KALRN: variants seen among roughly 807,000 people sequenced by gnomAD.
KALRN encodes the protein kalirin RhoGEF kinase.
Under a neutral mutation model 353.7 loss-of-function variants are expected in KALRN, and 70 were observed. The ratio of observed to expected loss-of-function variants is 0.20; its 90% confidence interval spans 0.16 to 0.24. The LOEUF is 0.24. KALRN is among the 10% of genes least tolerant of loss of function. KALRN has a pLI of 1.00. For synonymous variants in KALRN, 1,391 were observed against 1,434.8 expected, an observed-to-expected ratio of 0.97 and a Z score of 0.69; for missense variants, 2,791 against 3,756.7, an observed-to-expected ratio of 0.74 and a Z score of 6.72.
chr3:124,706,051 C>T (rs1453842111), intron 57 of KALRN, among the ~76,000 whole-genome samples: 1 of 152,178 alleles, frequency 6.6e-6, no homozygotes, highest in East Asian at 1.9e-4. Flanking sequence ...GGACTACAGA[C>T]ACACACCATT....
At chr3:124,434,855 C>T (rs776606583) in intron 17 of KALRN, among the ~76,000 whole-genome samples, 76 of 152,282 alleles carry the variant, frequency 5.0e-4, no homozygotes, top group Non-Finnish European at 7.8e-4. Flanking sequence ...CAAAACAATC[C>T]AAAACTCAGT....
intron 33 of KALRN, among the ~76,000 whole-genome samples, chr3:124,512,862 T>C (rs2066097757): frequency 6.6e-6 from 1 of 152,162 alleles, no homozygotes; most frequent in African/African-American, 2.4e-5. Context: ...TTTTGTATTA[T>C]GTCTTACAAC....
chr3:124,279,516 G>C (rs966303492), intron 5 of KALRN, among the ~76,000 whole-genome samples: 1 of 152,206 alleles, frequency 6.6e-6, no homozygotes, highest in South Asian at 2.1e-4. Flanking sequence ...TGCCAGAGTG[G>C]AAAGTAGGCA....
intron 6 of KALRN, among the ~76,000 whole-genome samples, chr3:124,322,478 G>C (rs943736180): frequency 6.6e-6 from 1 of 152,208 alleles, no homozygotes. Context: ...AAGGCTGGCA[G>C]GGAAGAATGG....
At chr3:124,422,417 A>G (rs74966616) in intron 14 of KALRN, among the ~76,000 whole-genome samples, 1,610 of 152,056 alleles carry the variant, frequency 0.011, 30 homozygotes, top group African/African-American at 0.037. Flanking sequence ...CAAAGTACTG[A>G]GACAGTCTTT....
At chr3:124,481,870 T>C (rs2062021935) in intron 27 of KALRN, among the ~76,000 whole-genome samples, 1 of 152,210 alleles carries the variant, frequency 6.6e-6, no homozygotes, top group African/African-American at 2.4e-5. Context: ...TCTCAATTTT[T>C]ATTGGCTATA....
intron 11 of KALRN, among the ~76,000 whole-genome samples, chr3:124,388,586 TAAAAGA>T (rs1442832098): frequency 6.6e-6 from 1 of 152,084 alleles, no homozygotes; most frequent in Non-Finnish European, 1.5e-5. Context: ...CTAAGAAAAG[TAAAAGA>T]AAAAGAAGAA....
Position 124,657,434 on chromosome 3 carries a change from C to T in KALRN, c.5863-14C>T. ...GTGAAAATATGCTACTAACCATTGC[C>T]TTTGCTGCTGCAGGGCTTCATGAAG... is the stretch of plus-strand genomic sequence containing the variant. On this transcript the variant is annotated splice_polypyrimidine_tract_variant and intron_variant, in intron 39 of 59. Coordinates refer to ENST00000682506, the MANE Select transcript of KALRN (RefSeq NM_001388419.1). The T allele has an allele frequency of 1.3e-6, 2 of 1,593,718 alleles. No homozygotes were observed. Among genetic ancestry groups the T allele is most frequent in the Non-Finnish European group, 1.7e-6 (2 of 1,161,420 alleles).
At chr3:124,378,637 T>G (rs1392530453) in intron 10 of KALRN, among the ~76,000 whole-genome samples, 1 of 151,904 alleles carries the variant, frequency 6.6e-6, no homozygotes, top group Non-Finnish European at 1.5e-5. Flanking sequence ...TTTATTTCAC[T>G]TTTGTTTTTG....
At chr3:124,053,230 T>C (rs2041209932) in intron 1 of KALRN, among the ~76,000 whole-genome samples, 1 of 152,160 alleles carries the variant, frequency 6.6e-6, no homozygotes, top group Non-Finnish European at 1.5e-5. Context: ...ACTAGAGAGT[T>C]ATAGAAGACT....
At chr3:124,323,783 G>A (rs554969430) in intron 6 of KALRN, among the ~76,000 whole-genome samples, 1 of 152,326 alleles carries the variant, frequency 6.6e-6, no homozygotes, top group East Asian at 1.9e-4. Flanking sequence ...TGGGTAAGGT[G>A]GCAGGGGCAT....
At chr3:124,278,810 G>T (rs951732754) in intron 5 of KALRN, among the ~76,000 whole-genome samples, 1 of 152,158 alleles carries the variant, frequency 6.6e-6, no homozygotes, top group Non-Finnish European at 1.5e-5. Context: ...AGGACCCAAA[G>T]TCTTATCCTG....
At chr3:124,319,401 A>G (rs2079099005) in intron 6 of KALRN, among the ~76,000 whole-genome samples, 1 of 151,322 alleles carries the variant, frequency 6.6e-6, no homozygotes, top group South Asian at 2.1e-4. Context: ...AGAAACCAAC[A>G]ACCTTTGCAC....
At chr3:124,666,179 T>C (rs559032222) in intron 45 of KALRN, among the ~76,000 whole-genome samples, 4 of 152,186 alleles carry the variant, frequency 2.6e-5, no homozygotes, top group Non-Finnish European at 4.4e-5. Flanking sequence ...ATTACCTTCC[T>C]GCCTTCTGGC....
intron 13 of KALRN, among the ~76,000 whole-genome samples, chr3:124,411,255 C>G (rs2092123354): frequency 6.6e-6 from 1 of 151,834 alleles, no homozygotes; most frequent in Non-Finnish European, 1.5e-5. Context: ...GATGGAAAGG[C>G]TCTATAGTTT....
At chr3:124,492,373 C>T (rs1311331081) in intron 31 of KALRN, among the ~76,000 whole-genome samples, 1 of 152,186 alleles carries the variant, frequency 6.6e-6, no homozygotes, top group Non-Finnish European at 1.5e-5. Context: ...CCTCCCAGTG[C>T]CCACCAGACC....
At chr3:124,470,956 G>A (rs577101321) in intron 25 of KALRN, among the ~76,000 whole-genome samples, 16 of 152,216 alleles carry the variant, frequency 1.1e-4, no homozygotes, top group South Asian at 4.1e-4. Flanking sequence ...AGGTGACCTT[G>A]GAATCTAAAT....
intron 37 of KALRN, among the ~76,000 whole-genome samples, chr3:124,650,275 A>G (rs1334947849): frequency 3.3e-5 from 5 of 152,240 alleles, no homozygotes; most frequent in Admixed American, 1.3e-4. Flanking sequence ...GGGGTTGTAC[A>G]GCTATTATCT....
At chr3:124,178,085 T>G (rs2073034442) in intron 1 of KALRN, among the ~76,000 whole-genome samples, 1 of 152,182 alleles carries the variant, frequency 6.6e-6, no homozygotes, top group Admixed American at 6.5e-5. Flanking sequence ...GATGAACACA[T>G]GTTTCATAGC....
Sources: allele counts gnomAD v4.1 joint callset (sites outside exome capture counted in the v4.1 genomes callset), GRCh38; gene constraint gnomAD v4.1.1; transcripts MANE v1.5; gene names NCBI Gene and HGNC (gene_info 2026-07-23, HGNC 2026-07-21).